Variants in KCNH1 observed in about 807,000 individuals in gnomAD.
The protein encoded by KCNH1 is potassium voltage-gated channel subfamily H member 1.
Under a neutral mutation model 69.2 loss-of-function variants are expected in KCNH1, and 27 were observed. The observed-to-expected ratio is 0.39, with a 90% CI of 0.29 to 0.54. The LOEUF (loss-of-function observed/expected upper bound fraction) is 0.54, where lower values mean the gene tolerates loss of function less well. KCNH1 is among the 20% of genes least tolerant of loss of function. KCNH1 has a pLI of 0.68. For synonymous variants in KCNH1, 456 were observed against 487.7 expected, an observed-to-expected ratio of 0.93 and a Z score of 0.86; for missense variants, 798 against 1,261.6, an observed-to-expected ratio of 0.63 and a Z score of 5.57.
At chr1:211,066,151 G>A (rs909765535) in intron 5 of KCNH1, among the ~76,000 whole-genome samples, 9 of 152,086 alleles carry the variant, frequency 5.9e-5, no homozygotes, top group African/African-American at 9.7e-5. Context: ...AAGAAACGAT[G>A]GGTATTTCAT....
intron 10 of KCNH1, among the ~76,000 whole-genome samples, chr1:210,737,298 G>A (rs1295493715): frequency 6.6e-6 from 1 of 152,190 alleles, no homozygotes; most frequent in Non-Finnish European, 1.5e-5. Context: ...GTCATCAGGT[G>A]CATAATGAAA....
At chr1:210,760,214 A>G (rs1253361269) in intron 10 of KCNH1, among the ~76,000 whole-genome samples, 1 of 152,152 alleles carries the variant, frequency 6.6e-6, no homozygotes, top group Non-Finnish European at 1.5e-5. Context: ...CAGACTATCC[A>G]AGGTCAATGT....
intron 6 of KCNH1, among the ~76,000 whole-genome samples, chr1:210,929,712 G>A (rs908620598): frequency 2.0e-5 from 3 of 152,020 alleles, no homozygotes; most frequent in South Asian, 4.1e-4. Context: ...AAGGGCATCC[G>A]AATCAATACA....
At chr1:210,714,410 T>C (rs1393102526) in intron 10 of KCNH1, among the ~76,000 whole-genome samples, 1 of 152,214 alleles carries the variant, frequency 6.6e-6, no homozygotes, top group Non-Finnish European at 1.5e-5. Context: ...TTTTTGCCTT[T>C]ACCTGGGGTT....
chr1:210,884,381 G>A lies in KCNH1; in HGVS notation c.1462+35259C>T, dbSNP rs547656288. Among the ~76,000 whole-genome samples, 94 of 152,248 alleles carry A rather than the reference G, an allele frequency of 6.2e-4. 1 individual carries two copies. The highest frequency in any genetic ancestry group is 2.1e-3 in the African/African-American group (88 of 41,554). On this transcript the variant is annotated intron_variant, in intron 7 of 10. Transcript: ENST00000271751. ...GTCTGGAGGTTTACAGAGCATTCCT[G>A]TATCTATTATCTTAGTGAGCCTGTG...
intron 1 of KCNH1, among the ~76,000 whole-genome samples, chr1:211,116,398 A>C (rs1691583356): frequency 6.6e-6 from 1 of 152,176 alleles, no homozygotes; most frequent in Non-Finnish European, 1.5e-5. Context: ...ATGCCCTCAC[A>C]GTCCTAGTAG....
chr1:210,683,668 T>C lies in KCNH1; in HGVS notation c.2583A>G (p.Thr861=), dbSNP rs1681331246. The change falls in exon 11 of 11, where the codon ACA becomes ACG. Residue 861 remains threonine, a synonymous_variant. Transcript: ENST00000271751. The surrounding 1 kb of genome is among the most constrained non-coding windows in gnomAD (Gnocchi z 5.7). ...CTGACGCTTTTGTCCTCTCGGGAAG[T>C]GTCTCCATCGACTCAGCCTTGGACA... ...NKVSKAESME[T]LPERTKASGE... The C allele has an allele frequency of 3.7e-6, 6 of 1,614,128 alleles. No homozygotes were observed. In the African/African-American group the frequency reaches 6.7e-5, roughly 18 times the overall value.
chr1:210,766,904 A>G (rs1186728215), intron 10 of KCNH1, among the ~76,000 whole-genome samples: 1 of 152,222 alleles, frequency 6.6e-6, no homozygotes, highest in Non-Finnish European at 1.5e-5. Flanking sequence ...ATTTCTTTTT[A>G]TTAATCTAAC....
rs538535166 is a variant in KCNH1 at position 210,682,992 on chromosome 1, A to T, written c.*289T>A. 2.7e-6 allele frequency: 1 copy of T among 367,146 alleles called. No individual in the cohort carries two copies. Among genetic ancestry groups the T allele is most frequent in the South Asian group, 3.5e-5 (1 of 28,832 alleles). 22.7% of individuals were successfully genotyped at this position (367,146 alleles called of 1,614,324 possible). A position where few individuals can be genotyped will look rare whatever the true frequency, so the allele number is the denominator to read the frequency against. ...TTTAATCTTTTACAAATATCATGGT[A>T]GTAAAAAATTAAAAATGAAGGAAAA... is the stretch of plus-strand genomic sequence containing the variant. On this transcript the variant is annotated 3_prime_UTR_variant, in exon 11 of 11. Transcript: ENST00000271751.
In KCNH1 at chr1:211,098,352, C is replaced by CATACAGCA. The variant is rs1691197117; in HGVS notation, c.310+5136_310+5143dup. On this transcript the variant is annotated intron_variant, in intron 3 of 10. Transcript: ENST00000271751. ...AAAAAAAAAAGAAAGAAAAGAAAAT[C>CATACAGCA]ATACAGCATACTAAACATTAGGCAA... Among the ~76,000 whole-genome samples the CATACAGCA allele has an allele frequency of 2.0e-5, 3 of 149,270 alleles. No individual in the cohort carries two copies. In the South Asian group the frequency reaches 6.4e-4, roughly 32 times the overall value.
At chr1:211,042,606 C>T (rs1846945) in intron 5 of KCNH1, among the ~76,000 whole-genome samples, 119,321 of 152,186 alleles carry the variant, frequency 0.78, 47,120 homozygotes, top group African/African-American at 0.83. Flanking sequence ...AACTATACCC[C>T]GGAACAAATG....
At chr1:210,909,844 C>T (rs1388380641) in intron 7 of KCNH1, among the ~76,000 whole-genome samples, 1 of 152,220 alleles carries the variant, frequency 6.6e-6, no homozygotes, top group Non-Finnish European at 1.5e-5. Context: ...TGCCAACAAG[C>T]TGACCACTAT....
intron 10 of KCNH1, among the ~76,000 whole-genome samples, chr1:210,772,500 T>G (rs1013944029): frequency 9.3e-5 from 14 of 150,764 alleles, no homozygotes; most frequent in Admixed American, 7.9e-4. Flanking sequence ...AATAATAAAA[T>G]GACAAGCCTC....
intron 5 of KCNH1, among the ~76,000 whole-genome samples, chr1:211,042,227 T>C (rs1293165274): frequency 1.3e-5 from 2 of 152,240 alleles, no homozygotes; most frequent in African/African-American, 2.4e-5. Context: ...CTTCACCCAC[T>C]TCTTTCTTCT....
intron 7 of KCNH1, among the ~76,000 whole-genome samples, chr1:210,852,134 TACAGAAAGC>T (rs1195730619): frequency 6.6e-6 from 1 of 152,092 alleles, no homozygotes; most frequent in Non-Finnish European, 1.5e-5. Context: ...CCTCTGGAGG[TACAGAAAGC>T]ATCTCTAAGG....
intron 7 of KCNH1, among the ~76,000 whole-genome samples, chr1:210,834,450 C>T (rs1433054582): frequency 4.8e-4 from 66 of 136,694 alleles, no homozygotes; most frequent in African/African-American, 1.6e-3. Context: ...AACCAAACAC[C>T]GCATATTCTC....
intron 5 of KCNH1, among the ~76,000 whole-genome samples, chr1:211,029,578 A>G (rs1395067180): frequency 6.6e-6 from 1 of 152,082 alleles, no homozygotes; most frequent in Non-Finnish European, 1.5e-5. Context: ...CATCTACCAA[A>G]AAACCTACAG....
At chr1:210,757,459 T>A (rs1683423111) in intron 10 of KCNH1, among the ~76,000 whole-genome samples, 1 of 152,188 alleles carries the variant, frequency 6.6e-6, no homozygotes, top group African/African-American at 2.4e-5. Context: ...GGCCTTAGAT[T>A]CATGGTTATC....
intron 9 of KCNH1, among the ~76,000 whole-genome samples, chr1:210,788,685 C>CTTTCT (rs1684152196): frequency 3.7e-4 from 30 of 80,736 alleles, no homozygotes; most frequent in African/African-American, 1.4e-3. Context: ...TAGCTTCTTT[C>CTTTCT]TTTTTTTTTT....
Sources: gnomAD v4.1 joint callset for allele counts (sites outside exome capture counted in the v4.1 genomes callset) on GRCh38, gnomAD v4.1.1 for gene constraint, Gnocchi (gnomAD v3.1) non-coding constraint, MANE v1.5 for transcripts, NCBI Gene and HGNC (gene_info 2026-07-23, HGNC 2026-07-21) for gene names.